Variants in VAMP3 observed in about 807,000 individuals in gnomAD.
The protein encoded by VAMP3 is vesicle-associated membrane protein 3.
A neutral mutation model predicts 18.1 loss-of-function variants in VAMP3; 11 were observed. That is an observed-to-expected ratio of 0.61 (90% CI 0.38 to 1.00). The LOEUF is 1.00. VAMP3 is among the 50% of genes least tolerant of loss of function. The pLI is 0.01. For synonymous variants in VAMP3, 49 were observed against 43.1 expected (o/e 1.14, Z -0.53); for missense variants, 122 against 127.3 (o/e 0.96, Z 0.20).
chr1:7,774,612 G>A (rs2097053244), intron 2 of VAMP3, among the ~76,000 whole-genome samples: 1 of 152,042 alleles, frequency 6.6e-6, no homozygotes, highest in African/African-American at 2.4e-5. Context: ...CTCTCTTTCT[G>A]TGGATTTGCC....
intron 1 of VAMP3, among the ~76,000 whole-genome samples, chr1:7,771,919 A>G (rs1256946167): frequency 6.6e-6 from 1 of 152,220 alleles, no homozygotes; most frequent in Non-Finnish European, 1.5e-5. Flanking sequence ...TTCCAGTGGT[A>G]AGACTCAGAG....
chr1:7,779,732 T>C lies in VAMP3; in HGVS notation c.*87T>C. The C allele has an allele frequency of 2.6e-6, 4 of 1,563,274 alleles. No individual in the cohort carries two copies. Among genetic ancestry groups the C allele is most frequent in the African/African-American group, 1.4e-5 (1 of 72,568 alleles). ...CTGCTATATTATCAAGCTTACCTAC[T>C]GTTATCTCTAAAATTTTTTTTGTGT... On this transcript the variant is annotated 3_prime_UTR_variant, in exon 5 of 5. Transcript: ENST00000054666.
intron 4 of VAMP3, 138 bp from the exon 5 acceptor site, chr1:7,779,488 A>C: frequency 8.4e-7 from 1 of 1,193,962 alleles, no homozygotes; most frequent in Non-Finnish European, 1.2e-6. Context: ...TAGAATGGAG[A>C]GAAGCCAGTA....
chr1:7,771,515 G>A, intron 1 of VAMP3, 130 bp downstream of exon 1: 1 of 1,198,446 alleles, frequency 8.3e-7, no homozygotes, highest in Non-Finnish European at 1.1e-6. Context: ...GGATCCCGAG[G>A]CCTGGGGGTG....
chr1:7,774,818 G>C (rs57109982), intron 2 of VAMP3, among the ~76,000 whole-genome samples: 1 of 152,188 alleles, frequency 6.6e-6, no homozygotes, highest in Non-Finnish European at 1.5e-5. Flanking sequence ...ATGAGTCTTC[G>C]AGTTGTTTCC....
At position 7,781,319 on chromosome 1, in the gene VAMP3, AC is replaced by A. The variant is rs1183293598; in HGVS notation, c.*1677del. 2 of 152,832 alleles carry A rather than the reference AC, an allele frequency of 1.3e-5. No individual in the cohort carries two copies. The highest frequency in any genetic ancestry group is 4.8e-5 in the African/African-American group (2 of 41,448). The allele number at this position is 152,832 out of a possible 1,614,324, so 9.5% of individuals were successfully genotyped here. A position where few individuals can be genotyped will look rare whatever the true frequency, so the allele number is the denominator to read the frequency against. On this transcript the variant is annotated 3_prime_UTR_variant, in exon 5 of 5. Transcript: ENST00000054666. The stretch of plus-strand genomic sequence containing the variant: ...CTCGCCCCTTGGCCACAGTGCCCAG[AC>A]CCATGTAACCCACTGGCTCCTGCAT...
chr1:7,771,704 G>A (rs1242500378), intron 1 of VAMP3, among the ~76,000 whole-genome samples: 1 of 152,244 alleles, frequency 6.6e-6, no homozygotes, highest in African/African-American at 2.4e-5. Context: ...GAGAGGAATG[G>A]GGACGACAGC....
At chr1:7,774,571 C>T in intron 2 of VAMP3, among the ~76,000 whole-genome samples, 1 of 152,226 alleles carries the variant, frequency 6.6e-6, no homozygotes, top group East Asian at 1.9e-4. Flanking sequence ...ATTTCCCCTT[C>T]CTCCCATTCT....
At position 7,780,671 on chromosome 1, in the gene VAMP3, A is replaced by T. The variant is rs1030429866; in HGVS notation, c.*1026A>T. Reference sequence around the variant, plus strand: ...GTAGCCTCAAGTAAGACCACCTGTGAACTTGATCATTATCTGGCCCAAATA... The same window carrying T: ...GTAGCCTCAAGTAAGACCACCTGTGTACTTGATCATTATCTGGCCCAAATA... On this transcript the variant is annotated 3_prime_UTR_variant, in exon 5 of 5. Coordinates refer to ENST00000054666, the MANE Select transcript of VAMP3 (RefSeq NM_004781.4). 6.6e-6 allele frequency: 1 copy of T among 152,370 alleles called. No homozygotes were observed. The highest frequency in any genetic ancestry group is 2.4e-5 in the African/African-American group (1 of 41,446). The allele number at this position is 152,370 out of a possible 1,614,324, so 9.4% of individuals were successfully genotyped here. A position where few individuals can be genotyped will look rare whatever the true frequency, so the allele number is the denominator to read the frequency against.
At chr1:7,771,467 C>G in intron 1 of VAMP3, 82 bp downstream of exon 1, 1 of 1,408,782 alleles carries the variant, frequency 7.1e-7, no homozygotes, top group South Asian at 1.5e-5. Context: ...GCCCAGTTGC[C>G]GCCGGCCGCC....
Position 7,771,811 on chromosome 1 carries a change from C to G in VAMP3, c.2+426C>G, listed in dbSNP as rs545882503. ...GGCCCTGTCCTGAGCCCCTGTGGGC[C>G]GAAGAGCTCCTTGCCTAGCTAGGGG... is the stretch of plus-strand genomic sequence containing the variant. On this transcript the variant is annotated intron_variant, in intron 1 of 4. Transcript: ENST00000054666. Among the ~76,000 whole-genome samples, 11 of 152,360 alleles carry G rather than the reference C, an allele frequency of 7.2e-5. No homozygotes were observed. The South Asian group carries it at 2.3e-3, about 32-fold the overall frequency.
At chr1:7,771,949 C>G (rs2097051275) in intron 1 of VAMP3, among the ~76,000 whole-genome samples, 1 of 152,232 alleles carries the variant, frequency 6.6e-6, no homozygotes, top group South Asian at 2.1e-4. Flanking sequence ...GGTTAAGAAT[C>G]ACAAGGACTC....
At chr1:7,779,120 G>A (rs191422570) in intron 4 of VAMP3, among the ~76,000 whole-genome samples, 47 of 152,194 alleles carry the variant, frequency 3.1e-4, no homozygotes, top group Non-Finnish European at 5.6e-4. Context: ...GCATGAACCC[G>A]GGAGGCGGAG....
At chr1:7,779,593 C>T in intron 4 of VAMP3, 33 bp from the exon 5 acceptor site, 1 of 1,614,058 alleles carries the variant, frequency 6.2e-7, no homozygotes, top group South Asian at 1.1e-5. Context: ...CCTGCTGTTT[C>T]CCCTGCCTTT....
chr1:7,774,338 T>TGGATTA (rs2097053050), intron 2 of VAMP3, among the ~76,000 whole-genome samples: 1 of 139,298 alleles, frequency 7.2e-6, no homozygotes, highest in Non-Finnish European at 1.6e-5. Flanking sequence ...TCTGTTTACT[T>TGGATTA]ACAAAATCAA....
At chr1:7,771,647 C>T (rs1161022759) in intron 1 of VAMP3, among the ~76,000 whole-genome samples, 1 of 152,220 alleles carries the variant, frequency 6.6e-6, no homozygotes, top group Non-Finnish European at 1.5e-5. Flanking sequence ...AGCTGCCCGC[C>T]CGCAGCCCGC....
At position 7,780,745 on chromosome 1, in the gene VAMP3, T is replaced by A. The variant is rs2097056693; in HGVS notation, c.*1100T>A. 1 of 152,398 alleles carries A rather than the reference T, an allele frequency of 6.6e-6. No homozygotes were observed. The highest frequency in any genetic ancestry group is 1.5e-5 in the Non-Finnish European group (1 of 68,044). 9.4% of individuals were successfully genotyped at this position (152,398 alleles called of 1,614,324 possible). On this transcript the variant is annotated 3_prime_UTR_variant, in exon 5 of 5. Coordinates refer to ENST00000054666, the MANE Select transcript of VAMP3 (RefSeq NM_004781.4). ...GTTTGTTTCCTATTTGTATTCACAT[T>A]CTGCTTCCTAAATCAGTTTTCTAAA...
intron 2 of VAMP3, among the ~76,000 whole-genome samples, chr1:7,775,284 T>C (rs1314022303): frequency 6.6e-6 from 1 of 152,214 alleles, no homozygotes; most frequent in African/African-American, 2.4e-5. Context: ...TTATCAGACA[T>C]GTGATTTGCA....
At position 7,780,731 on chromosome 1, in the gene VAMP3, A is replaced by G. The variant is rs941573970; in HGVS notation, c.*1086A>G. On this transcript the variant is annotated 3_prime_UTR_variant, in exon 5 of 5. Transcript: ENST00000054666. ...ACTATAACTTTGGAGTTTGTTTCCT[A>G]TTTGTATTCACATTCTGCTTCCTAA... 6.6e-6 allele frequency: 1 copy of G among 152,354 alleles called. No individual in the cohort carries two copies. Among genetic ancestry groups the G allele is most frequent in the Non-Finnish European group, 1.5e-5 (1 of 68,030 alleles). 9.4% of individuals were successfully genotyped at this position (152,354 alleles called of 1,614,324 possible). A position where few individuals can be genotyped will look rare whatever the true frequency, so the allele number is the denominator to read the frequency against.
Sources: allele counts gnomAD v4.1 joint callset (sites outside exome capture counted in the v4.1 genomes callset), GRCh38; gene constraint gnomAD v4.1.1; transcripts MANE v1.5; gene names NCBI Gene and HGNC (gene_info 2026-07-23, HGNC 2026-07-21).